KCTD16: variants seen among roughly 807,000 people sequenced by gnomAD.
The protein encoded by KCTD16 is potassium channel tetramerization domain containing 16, also known as BTB/POZ domain-containing protein KCTD16.
In KCTD16, 13 loss-of-function variants were observed where a neutral mutation model predicts 33.2. The observed-to-expected ratio is 0.39, with a 90% CI of 0.25 to 0.62. The LOEUF is 0.62. KCTD16 is among the 20% of genes least tolerant of loss of function. The probability of loss-of-function intolerance (pLI) is 0.50; values close to 1 mark genes in which losing one functional copy is unlikely to be tolerated. For synonymous variants in KCTD16, 197 were observed against 195.3 expected, an observed-to-expected ratio of 1.01 and a Z score of -0.07; for missense variants, 441 against 525.1, an observed-to-expected ratio of 0.84 and a Z score of 1.57.
intron 3 of KCTD16, among the ~76,000 whole-genome samples, chr5:144,217,761 A>G (rs1753609939): frequency 6.6e-6 from 1 of 152,120 alleles, no homozygotes; most frequent in Non-Finnish European, 1.5e-5. Flanking sequence ...CTGCCAGGGA[A>G]GTGATTAACA....
At chr5:144,300,459 C>T (rs1239266599) in intron 3 of KCTD16, among the ~76,000 whole-genome samples, 1 of 152,136 alleles carries the variant, frequency 6.6e-6, no homozygotes, top group African/African-American at 2.4e-5. Context: ...TTGTCTCATG[C>T]TATTTCACTG....
chr5:144,319,538 T>A (rs1313839765), intron 3 of KCTD16, among the ~76,000 whole-genome samples: 1 of 152,236 alleles, frequency 6.6e-6, no homozygotes, highest in Non-Finnish European at 1.5e-5. Flanking sequence ...ACGTTGGAGC[T>A]TGCCTGGTTA....
At chr5:144,258,402 T>A (rs1180741273) in intron 3 of KCTD16, among the ~76,000 whole-genome samples, 1 of 152,200 alleles carries the variant, frequency 6.6e-6, no homozygotes, top group African/African-American at 2.4e-5. Flanking sequence ...AGTCTAAATG[T>A]ACCTTAAAAA....
chr5:144,185,871 G>A (rs1752715385), intron 2 of KCTD16, among the ~76,000 whole-genome samples: 1 of 152,098 alleles, frequency 6.6e-6, no homozygotes, highest in Admixed American at 6.5e-5. Flanking sequence ...TATTTTACAT[G>A]TATTGGCTCA....
chr5:144,428,131 T>C (rs945963964), intron 3 of KCTD16, among the ~76,000 whole-genome samples: 2 of 152,188 alleles, frequency 1.3e-5, no homozygotes, highest in African/African-American at 4.8e-5. Context: ...AAAGACTTAG[T>C]TGGCAATATG....
intron 3 of KCTD16, among the ~76,000 whole-genome samples, chr5:144,339,134 A>G (rs531603211): frequency 6.6e-6 from 1 of 152,228 alleles, no homozygotes; most frequent in South Asian, 2.1e-4. Flanking sequence ...TCAAGCCCTT[A>G]CTCTGTACCA....
Position 144,237,544 on chromosome 5 carries a change from A to G in KCTD16, c.832+29998A>G, listed in dbSNP as rs1007211559. Among the ~76,000 whole-genome samples the G allele has an allele frequency of 2.6e-5, 4 of 151,936 alleles. No homozygotes were observed. The South Asian group carries it at 8.3e-4, about 31-fold the overall frequency. On this transcript the variant is annotated intron_variant, in intron 3 of 3. Coordinates refer to ENST00000512467, the MANE Select transcript of KCTD16 (RefSeq NM_020768.4). Reference sequence around the variant, plus strand: ...TGTCTTATTTCTCATGGTTTTTTGGACAAAATTTTGTATTTTAATTAGTAC... The same window carrying G: ...TGTCTTATTTCTCATGGTTTTTTGGGCAAAATTTTGTATTTTAATTAGTAC...
chr5:144,345,786 T>C (rs1310282182), intron 3 of KCTD16, among the ~76,000 whole-genome samples: 1 of 152,160 alleles, frequency 6.6e-6, no homozygotes, highest in Admixed American at 6.5e-5. Context: ...GCATGCAATG[T>C]GAAATAGGTA....
chr5:144,382,964 A>G (rs1164455570), intron 3 of KCTD16: 2 of 152,158 alleles, frequency 1.3e-5, no homozygotes, highest in African/African-American at 4.8e-5. Context: ...AGCACCCACA[A>G]TCCTCTGGTA....
intron 3 of KCTD16, among the ~76,000 whole-genome samples, chr5:144,424,688 A>G (rs1753284411): frequency 6.6e-6 from 1 of 152,140 alleles, no homozygotes; most frequent in African/African-American, 2.4e-5. Flanking sequence ...TTCCATGGCA[A>G]AAGAGCATCA....
chr5:144,472,459 G>T (rs1754499135), intron 3 of KCTD16, among the ~76,000 whole-genome samples: 1 of 152,174 alleles, frequency 6.6e-6, no homozygotes, highest in African/African-American at 2.4e-5. Flanking sequence ...GCTAAATGCA[G>T]CATTATGAGT....
At chr5:144,202,132 C>T (rs2126786230) in intron 2 of KCTD16, among the ~76,000 whole-genome samples, 1 of 152,346 alleles carries the variant, frequency 6.6e-6, no homozygotes, top group Admixed American at 6.5e-5. Context: ...ATGGAGCATT[C>T]TTCCTTGCTC....
chr5:144,405,352 G>T (rs1461638900), intron 3 of KCTD16, among the ~76,000 whole-genome samples: 1 of 152,162 alleles, frequency 6.6e-6, no homozygotes, highest in Non-Finnish European at 1.5e-5. Flanking sequence ...ATTGAATTCA[G>T]GCCAATGAGA....
intron 3 of KCTD16, among the ~76,000 whole-genome samples, chr5:144,229,491 T>C (rs773188329): frequency 1.3e-5 from 2 of 152,162 alleles, no homozygotes; most frequent in African/African-American, 2.4e-5. Context: ...GATTTTTGAA[T>C]GTTAGGAGTT....
intron 3 of KCTD16, among the ~76,000 whole-genome samples, chr5:144,217,322 C>A (rs537402551): frequency 6.6e-4 from 101 of 152,084 alleles, no homozygotes; most frequent in Non-Finnish European, 1.3e-3. Context: ...TCTTTCTAGT[C>A]AACTAGGTGA....
At chr5:144,234,953 A>G (rs1354141457) in intron 3 of KCTD16, among the ~76,000 whole-genome samples, 1 of 152,062 alleles carries the variant, frequency 6.6e-6, no homozygotes, top group Admixed American at 6.6e-5. Flanking sequence ...TTCCTGATGA[A>G]AACAGAAATG....
Position 144,181,801 on chromosome 5 carries a change from G to A in KCTD16, c.-327+7329G>A, listed in dbSNP as rs571504422. Among the ~76,000 whole-genome samples the A allele has an allele frequency of 1.4e-4, 21 of 152,272 alleles. No individual in the cohort carries two copies. The South Asian group carries it at 2.1e-3, about 15-fold the overall frequency. Reference sequence around the variant, plus strand: ...CAGTATTAAGAGGTGAGGCCTTTAAGAGGTGATCAGGGCAGGGCACGGTGG... The same window carrying A: ...CAGTATTAAGAGGTGAGGCCTTTAAAAGGTGATCAGGGCAGGGCACGGTGG... On this transcript the variant is annotated intron_variant, in intron 2 of 3. Coordinates refer to ENST00000512467, the MANE Select transcript of KCTD16 (RefSeq NM_020768.4).
At chr5:144,357,969 G>A (rs1303952038) in intron 3 of KCTD16, among the ~76,000 whole-genome samples, 1 of 152,032 alleles carries the variant, frequency 6.6e-6, no homozygotes, top group African/African-American at 2.4e-5. Context: ...TGCCACACAG[G>A]CTGGAGCACA....
intron 3 of KCTD16, among the ~76,000 whole-genome samples, chr5:144,447,738 G>A (rs1303410632): frequency 6.6e-6 from 1 of 151,948 alleles, no homozygotes; most frequent in Non-Finnish European, 1.5e-5. Context: ...ATGAAACACA[G>A]TATAAAGTCT....
Sources: gnomAD v4.1 joint callset for allele counts (sites outside exome capture counted in the v4.1 genomes callset) on GRCh38, gnomAD v4.1.1 for gene constraint, MANE v1.5 for transcripts, NCBI Gene and HGNC (gene_info 2026-07-23, HGNC 2026-07-21) for gene names.